C12orf54: variants seen among roughly 807,000 people sequenced by gnomAD.
C12orf54 encodes the protein uncharacterized protein C12orf54.
C12orf54 carries 24 observed loss-of-function variants against 26.4 expected under a neutral mutation model. The ratio of observed to expected loss-of-function variants is 0.91; its 90% confidence interval spans 0.66 to 1.28. C12orf54 has a LOEUF of 1.28. Among genes scored for constraint, C12orf54 ranks in the 50% most tolerant of loss-of-function variants. The pLI is 0.00. For missense variants in C12orf54, 154 were observed against 150.9 expected (o/e 1.02, Z -0.11); for synonymous variants, 54 against 47.0 (o/e 1.15, Z -0.61).
chr12:48,424,207 G>A, the C12orf54 span, among the ~76,000 whole-genome samples: 6 of 152,028 alleles, frequency 3.9e-5, no homozygotes, highest in Admixed American at 1.3e-4. Flanking sequence ...CCATCTTGTC[G>A]TGAAATGTTA....
chr12:48,494,999 TTTCCCC>T lies in C12orf54; in HGVS notation c.*40+22_*40+27del. The T allele has an allele frequency of 2.6e-6, 4 of 1,557,686 alleles. No individual in the cohort carries two copies. The Admixed American group carries it at 6.8e-5, about 26-fold the overall frequency. On this transcript the variant is annotated intron_variant, in intron 8 of 8. Coordinates refer to ENST00000548364, the MANE Select transcript of C12orf54 (RefSeq NM_152319.4). ...CGCCAGGTGCTTTACCCAAGCAGCC[TTTCCCC>T]TGAGCTCCACCCTGCCCATCTGTGG...
chr12:48,435,819 C>G, the C12orf54 span, among the ~76,000 whole-genome samples: 41 of 152,190 alleles, frequency 2.7e-4, no homozygotes, highest in African/African-American at 7.5e-4. Context: ...AAATTGTAAA[C>G]ACCATCAAGG....
the C12orf54 span, chr12:48,443,097 C>T: frequency 6.6e-6 from 1 of 152,242 alleles, no homozygotes; most frequent in Non-Finnish European, 1.5e-5. Flanking sequence ...ATAAACTACT[C>T]TGTCCCTATA....
At chr12:48,488,300 AG>A in intron 4 of C12orf54, 1 of 555,052 alleles carries the variant, frequency 1.8e-6, no homozygotes. Flanking sequence ...GACTTACAAG[AG>A]GGGAAGCCAA....
At chr12:48,456,983 A>T in the C12orf54 span, among the ~76,000 whole-genome samples, 1 of 152,052 alleles carries the variant, frequency 6.6e-6, no homozygotes, top group Admixed American at 6.5e-5. Flanking sequence ...TTTAGATGTG[A>T]TCCTACTGTT....
chr12:48,477,212 C>A, the C12orf54 span, among the ~76,000 whole-genome samples: 2 of 152,110 alleles, frequency 1.3e-5, no homozygotes, highest in Admixed American at 6.6e-5. Flanking sequence ...AACGAAGACA[C>A]AACATAGCAG....
the C12orf54 span, among the ~76,000 whole-genome samples, chr12:48,427,188 C>T: frequency 6.6e-6 from 1 of 152,252 alleles, no homozygotes; most frequent in Admixed American, 6.5e-5. Flanking sequence ...AGCTGTTGCC[C>T]ATTCAGTATG....
chr12:48,423,419 ACAAATGCTC>A, the C12orf54 span, among the ~76,000 whole-genome samples: 4 of 152,132 alleles, frequency 2.6e-5, no homozygotes, highest in Non-Finnish European at 4.4e-5. Context: ...TAAGCAAAAT[ACAAATGCTC>A]CAAAGAAGAT....
chr12:48,441,917 G>A, the C12orf54 span: 1 of 151,794 alleles, frequency 6.6e-6, no homozygotes, highest in Non-Finnish European at 1.5e-5. Flanking sequence ...ATATTTTTCA[G>A]AAAAGGACCT....
At chr12:48,473,214 C>T in the C12orf54 span, 59 of 1,253,290 alleles carry the variant, frequency 4.7e-5, no homozygotes, top group Non-Finnish European at 6.6e-5. Context: ...TGAAGATGCT[C>T]AGGTAATGGA....
the C12orf54 span, among the ~76,000 whole-genome samples, chr12:48,455,525 C>A: frequency 3.0e-4 from 45 of 152,332 alleles, no homozygotes; most frequent in African/African-American, 1.0e-3. Flanking sequence ...GAAACGTCAG[C>A]AGAACAGCAG....
chr12:48,420,169 GA>G, the C12orf54 span, among the ~76,000 whole-genome samples: 1 of 151,936 alleles, frequency 6.6e-6, no homozygotes, highest in Admixed American at 6.6e-5. Flanking sequence ...CAGCCATTCA[GA>G]AAAGCAGCTA....
chr12:48,446,675 T>C, the C12orf54 span, among the ~76,000 whole-genome samples: 1 of 152,246 alleles, frequency 6.6e-6, no homozygotes, highest in Non-Finnish European at 1.5e-5. Flanking sequence ...TCACGGCTTA[T>C]TTTTAGATCA....
At chr12:48,421,880 A>C in the C12orf54 span, among the ~76,000 whole-genome samples, 1 of 152,160 alleles carries the variant, frequency 6.6e-6, no homozygotes, top group African/African-American at 2.4e-5. Flanking sequence ...GAATGCAAAA[A>C]TGAAACCACT....
At chr12:48,420,719 C>A in the C12orf54 span, among the ~76,000 whole-genome samples, 1 of 152,212 alleles carries the variant, frequency 6.6e-6, no homozygotes, top group Non-Finnish European at 1.5e-5. Flanking sequence ...ACCAACCTCT[C>A]TGCTAATGTC....
At chr12:48,418,251 G>A in the C12orf54 span, among the ~76,000 whole-genome samples, 2 of 152,200 alleles carry the variant, frequency 1.3e-5, no homozygotes, top group Non-Finnish European at 2.9e-5. Context: ...GAATTGTAGT[G>A]TCTGGAAGGG....
At chr12:48,476,659 A>G in the C12orf54 span, among the ~76,000 whole-genome samples, 1 of 152,206 alleles carries the variant, frequency 6.6e-6, no homozygotes, top group Non-Finnish European at 1.5e-5. Context: ...AGGCCATTAC[A>G]TAATGCTAAA....
chr12:48,461,256 G>T, the C12orf54 span, among the ~76,000 whole-genome samples: 1 of 151,906 alleles, frequency 6.6e-6, no homozygotes, highest in Non-Finnish European at 1.5e-5. Flanking sequence ...CACAAAGACA[G>T]AGAACTAAGG....
the C12orf54 span, among the ~76,000 whole-genome samples, chr12:48,414,438 G>A: frequency 1.3e-5 from 2 of 152,208 alleles, no homozygotes; most frequent in African/African-American, 2.4e-5. Context: ...TTCAACATGT[G>A]TTTAGTTTTG....
Sources: gnomAD v4.1 joint callset for allele counts (sites outside exome capture counted in the v4.1 genomes callset) on GRCh38, gnomAD v4.1.1 for gene constraint, MANE v1.5 for transcripts, NCBI Gene and HGNC (gene_info 2026-07-23, HGNC 2026-07-21) for gene names.